The following TIAM1 variants were observed in gnomAD, a reference collection of about 807,000 sequenced individuals.
TIAM1 encodes the protein TIAM Rac1 associated GEF 1.
A neutral mutation model predicts 163.5 loss-of-function variants in TIAM1; 65 were observed. That is an observed-to-expected ratio of 0.40 (90% confidence interval 0.33 to 0.49). The LOEUF (loss-of-function observed/expected upper bound fraction) is 0.49, where lower values mean the gene tolerates loss of function less well. TIAM1 is among the 20% of genes least tolerant of loss of function. The pLI is 0.77. For missense variants in TIAM1, 1,789 were observed against 2,044.7 expected (o/e 0.87, Z 2.41); for synonymous variants, 833 against 810.1 (o/e 1.03, Z -0.48).
intron 15 of TIAM1, among the ~76,000 whole-genome samples, chr21:31,175,662 G>A (rs1193461147): frequency 1.3e-5 from 2 of 151,938 alleles, no homozygotes; most frequent in East Asian, 3.9e-4. Flanking sequence ...GCAATGGTAC[G>A]ATCTTGGCTC....
At chr21:31,307,873 A>G (rs960455933) in intron 2 of TIAM1, among the ~76,000 whole-genome samples, 3 of 152,222 alleles carry the variant, frequency 2.0e-5, no homozygotes, top group African/African-American at 4.8e-5. Context: ...GATAAAAAAT[A>G]GAGGTTTCCC....
At chr21:31,366,591 G>A (rs1470074135) in intron 2 of TIAM1, among the ~76,000 whole-genome samples, 1 of 152,132 alleles carries the variant, frequency 6.6e-6, no homozygotes, top group Non-Finnish European at 1.5e-5. Flanking sequence ...TTCCAAGGAA[G>A]GCAGAGACTA....
intron 19 of TIAM1, 129 bp downstream of exon 19, chr21:31,152,507 C>T: frequency 7.9e-7 from 1 of 1,273,466 alleles, no homozygotes; most frequent in East Asian, 2.4e-5. Flanking sequence ...CACTCCATTC[C>T]CCTCCCTCTC....
At chr21:31,197,388 T>G (rs2085919099) in intron 12 of TIAM1, among the ~76,000 whole-genome samples, 1 of 151,512 alleles carries the variant, frequency 6.6e-6, no homozygotes, top group African/African-American at 2.4e-5. Flanking sequence ...TCTTTTTTTT[T>G]TTTTTGAGAC....
At chr21:31,138,241 C>A (rs943250127) in intron 22 of TIAM1, among the ~76,000 whole-genome samples, 1 of 152,116 alleles carries the variant, frequency 6.6e-6, no homozygotes, top group East Asian at 1.9e-4. Context: ...AGCCTAACTC[C>A]CCAGAGTTTA....
At chr21:31,512,363 G>A (rs1045070446) in intron 1 of TIAM1, among the ~76,000 whole-genome samples, 1 of 152,010 alleles carries the variant, frequency 6.6e-6, no homozygotes. Context: ...GCCTCCCAAA[G>A]TGCTGGAATT....
intron 8 of TIAM1, among the ~76,000 whole-genome samples, chr21:31,222,672 C>CATACACATACATATAT (rs2087629213): frequency 1.3e-5 from 1 of 78,072 alleles, no homozygotes; most frequent in Admixed American, 2.0e-4. Context: ...TACATGTACA[C>CATACACATACATATAT]ATACATATAT....
At chr21:31,513,938 C>T (rs760556542) in intron 1 of TIAM1, among the ~76,000 whole-genome samples, 6 of 152,110 alleles carry the variant, frequency 3.9e-5, no homozygotes, top group Non-Finnish European at 7.4e-5. Context: ...ACCTGGGAGG[C>T]AGAGGATGTA....
chr21:31,417,582 G>A (rs1223375746), intron 2 of TIAM1, among the ~76,000 whole-genome samples: 1 of 152,148 alleles, frequency 6.6e-6, no homozygotes, highest in Non-Finnish European at 1.5e-5. Context: ...CAATACGTGA[G>A]AATTATGGGA....
intron 2 of TIAM1, among the ~76,000 whole-genome samples, chr21:31,385,164 C>A (rs182528561): frequency 2.0e-5 from 3 of 152,244 alleles, no homozygotes; most frequent in East Asian, 1.9e-4. Context: ...CAGGTTCAAG[C>A]GATTCTTCTG....
intron 2 of TIAM1, among the ~76,000 whole-genome samples, chr21:31,389,392 A>T (rs1412046539): frequency 2.0e-5 from 3 of 152,082 alleles, no homozygotes; most frequent in African/African-American, 7.2e-5. Context: ...TATTTTTAGT[A>T]GAGACAGGGT....
chr21:31,429,810 C>A (rs1167784061), intron 2 of TIAM1, among the ~76,000 whole-genome samples: 2 of 51,060 alleles, frequency 3.9e-5, no homozygotes, highest in Non-Finnish European at 6.9e-5. Context: ...ATGGGCTCCA[C>A]CGCGAACTGG....
intron 8 of TIAM1, among the ~76,000 whole-genome samples, chr21:31,220,045 G>GA (rs1043887527): frequency 5.9e-5 from 9 of 152,008 alleles, no homozygotes; most frequent in Non-Finnish European, 1.0e-4. Flanking sequence ...AATTCTAGAG[G>GA]AAAAAAATGT....
At chr21:31,161,999 T>C (rs1412142701) in intron 16 of TIAM1, among the ~76,000 whole-genome samples, 1 of 152,206 alleles carries the variant, frequency 6.6e-6, no homozygotes, top group Non-Finnish European at 1.5e-5. Context: ...GCTGTATATA[T>C]AAATGGCCTA....
At chr21:31,230,538 T>G (rs1003633567) in intron 6 of TIAM1, among the ~76,000 whole-genome samples, 2 of 152,174 alleles carry the variant, frequency 1.3e-5, no homozygotes, top group Non-Finnish European at 2.9e-5. Context: ...ATAATTATTA[T>G]TTTTTAGACA....
In TIAM1 at chr21:31,131,006, A is replaced by G. The variant is rs969877943; in HGVS notation, c.3884-58T>C. ...TGTCATGTGTAGGGTTTTCCCCTTG[A>G]CATCACCAACTTGTGGTAATAAACA... On this transcript the variant is annotated intron_variant, in intron 23 of 27. Coordinates refer to ENST00000541036, the MANE Select transcript of TIAM1 (RefSeq NM_001353694.2). 6.9e-6 allele frequency: 10 copies of G among 1,454,468 alleles called. No individual in the cohort carries two copies. The South Asian group carries it at 1.0e-4, about 15-fold the overall frequency. 90.1% of individuals were successfully genotyped at this position (1,454,468 alleles called of 1,614,324 possible).
intron 1 of TIAM1, among the ~76,000 whole-genome samples, chr21:31,503,697 C>T (rs1194709556): frequency 6.7e-6 from 1 of 148,900 alleles, no homozygotes; most frequent in African/African-American, 2.5e-5. Context: ...CAGCACTGTG[C>T]ATCCTGCATG....
At chr21:31,258,758 TG>T (rs1222276488) in intron 4 of TIAM1, among the ~76,000 whole-genome samples, 11 of 150,746 alleles carry the variant, frequency 7.3e-5, no homozygotes, top group Non-Finnish European at 1.5e-4. Flanking sequence ...GAGGTTGCAG[TG>T]AGCTGAGATT....
At chr21:31,273,955 A>G (rs2073177269) in intron 3 of TIAM1, among the ~76,000 whole-genome samples, 1 of 152,234 alleles carries the variant, frequency 6.6e-6, no homozygotes, top group African/African-American at 2.4e-5. Flanking sequence ...ATGGTGGCTC[A>G]TGCCTGATCC....
Sources: allele counts gnomAD v4.1 joint callset (sites outside exome capture counted in the v4.1 genomes callset), GRCh38; gene constraint gnomAD v4.1.1; transcripts MANE v1.5; gene names NCBI Gene and HGNC (gene_info 2026-07-23, HGNC 2026-07-21).